The following SGCZ variants were observed in gnomAD, a reference collection of about 807,000 sequenced individuals.
The protein encoded by SGCZ is zeta-sarcoglycan.
In SGCZ, 40 loss-of-function variants were observed where a neutral mutation model predicts 41.3. The observed-to-expected ratio is 0.97, with a 90% CI of 0.75 to 1.26. SGCZ has a LOEUF of 1.26. SGCZ is among the 50% of genes most tolerant of loss of function. The probability of loss-of-function intolerance (pLI) is 0.00; values close to 1 mark genes in which losing one functional copy is unlikely to be tolerated. For missense variants in SGCZ, 552 were observed against 369.8 expected, an observed-to-expected ratio of 1.49 and a Z score of -4.04; for synonymous variants, 206 against 137.5, an observed-to-expected ratio of 1.50 and a Z score of -3.49.
At chr8:14,470,352 A>T (rs1256108527) in intron 2 of SGCZ, among the ~76,000 whole-genome samples, 2 of 152,160 alleles carry the variant, frequency 1.3e-5, no homozygotes, top group Admixed American at 6.6e-5. Context: ...GGCACATAGT[A>T]GCACTTAATA....
At chr8:14,687,671 T>A (rs1233559259) in intron 1 of SGCZ, among the ~76,000 whole-genome samples, 3 of 151,716 alleles carry the variant, frequency 2.0e-5, no homozygotes, top group Non-Finnish European at 4.4e-5. Flanking sequence ...GCATGTGTCT[T>A]TATAGCAGCA....
chr8:14,566,787 G>A (rs1252506329), intron 1 of SGCZ, among the ~76,000 whole-genome samples: 8 of 152,228 alleles, frequency 5.3e-5, no homozygotes, highest in Non-Finnish European at 7.3e-5. Context: ...GGCCAAGGCC[G>A]GAGCTGGCTC....
In SGCZ at chr8:14,187,699, C is replaced by A. The variant is rs1320681884; in HGVS notation, c.425-22997G>T. On this transcript the variant is annotated intron_variant, in intron 4 of 7. Transcript: ENST00000382080. ...AAAAGAATGAAAAAAATGACAACTG[C>A]AGGACACCATTAAGAATGTGAACGT... is the stretch of plus-strand genomic sequence containing the variant. Among the ~76,000 whole-genome samples the A allele has an allele frequency of 2.6e-5, 4 of 151,856 alleles. No individual in the cohort carries two copies. The East Asian group carries it at 5.8e-4, about 22-fold the overall frequency.
chr8:15,056,572 T>C (rs536576843), intron 1 of SGCZ, among the ~76,000 whole-genome samples: 2 of 152,082 alleles, frequency 1.3e-5, no homozygotes, highest in Admixed American at 6.5e-5. Flanking sequence ...GAAATGATAG[T>C]GTCTAAATGT....
At chr8:14,570,351 G>T (rs550228861) in intron 1 of SGCZ, among the ~76,000 whole-genome samples, 1 of 152,204 alleles carries the variant, frequency 6.6e-6, no homozygotes, top group East Asian at 1.9e-4. Flanking sequence ...AGAATATAAG[G>T]TGTGATAGTC....
At chr8:15,230,722 C>T (rs989893587) in intron 1 of SGCZ, among the ~76,000 whole-genome samples, 2 of 152,300 alleles carry the variant, frequency 1.3e-5, no homozygotes, top group African/African-American at 4.8e-5. Flanking sequence ...CCAGAGTCAA[C>T]TGCAGAGGCC....
At chr8:14,252,373 T>C (rs1487440202) in intron 3 of SGCZ, among the ~76,000 whole-genome samples, 1 of 152,164 alleles carries the variant, frequency 6.6e-6, no homozygotes, top group Non-Finnish European at 1.5e-5. Context: ...TATTCCATTG[T>C]TCATTTCTGA....
At chr8:15,193,390 C>A (rs1800604297) in intron 1 of SGCZ, among the ~76,000 whole-genome samples, 1 of 151,994 alleles carries the variant, frequency 6.6e-6, no homozygotes, top group Admixed American at 6.6e-5. Context: ...CAAATTTGGA[C>A]TATTTATTTT....
chr8:15,156,836 TC>T (rs1799344114), intron 1 of SGCZ, among the ~76,000 whole-genome samples: 1 of 150,614 alleles, frequency 6.6e-6, no homozygotes, highest in South Asian at 2.1e-4. Flanking sequence ...TCCCAGCTAC[TC>T]AGGAGGCTGA....
rs549560954 is a variant in SGCZ at position 14,253,756 on chromosome 8, G to T, written c.337-16077C>A. ...ATAGCTTATTCTTGCTTTACAGAAC[G>T]AGCTATCTATATTAAAACAGTAGAA... On this transcript the variant is annotated intron_variant, in intron 3 of 7. Transcript: ENST00000382080. Among the ~76,000 whole-genome samples, 67 of 152,094 alleles carry T rather than the reference G, an allele frequency of 4.4e-4. 2 individuals carry two copies. The highest frequency in any genetic ancestry group is 1.5e-3 in the African/African-American group (64 of 41,520).
chr8:14,425,572 G>C (rs1320987086), intron 2 of SGCZ, among the ~76,000 whole-genome samples: 2 of 151,764 alleles, frequency 1.3e-5, no homozygotes, highest in Non-Finnish European at 2.9e-5. Flanking sequence ...AGTGAGCCAA[G>C]ATCGCGCCAC....
intron 2 of SGCZ, among the ~76,000 whole-genome samples, chr8:14,391,172 G>A (rs963424264): frequency 1.3e-4 from 20 of 152,144 alleles, no homozygotes; most frequent in African/African-American, 4.6e-4. Context: ...TGTAATGCCA[G>A]GTTTGAGAAT....
chr8:14,660,755 G>C (rs1425332140), intron 1 of SGCZ, among the ~76,000 whole-genome samples: 1 of 151,906 alleles, frequency 6.6e-6, no homozygotes, highest in Non-Finnish European at 1.5e-5. Context: ...GGAAAGCTTG[G>C]CATTCTCAAA....
At chr8:14,358,031 G>A (rs73664320) in intron 2 of SGCZ, among the ~76,000 whole-genome samples, 46 of 152,164 alleles carry the variant, frequency 3.0e-4, no homozygotes, top group African/African-American at 9.2e-4. Flanking sequence ...ACAATGGCCC[G>A]TGTTTATGCA....
In SGCZ at chr8:14,227,273, C is replaced by T. The variant is rs772935533; in HGVS notation, c.424+10319G>A. Among the ~76,000 whole-genome samples, 50 of 151,980 alleles carry T rather than the reference C, an allele frequency of 3.3e-4. 1 individual carries two copies. Among genetic ancestry groups the T allele is most frequent in the Admixed American group, 3.2e-3 (49 of 15,258 alleles). ...AAGAATGCAAACAGTTTTCTTTATT[C>T]TAATTATGACATGAGAAAAGGTGAT... On this transcript the variant is annotated intron_variant, in intron 4 of 7. Coordinates refer to ENST00000382080, the MANE Select transcript of SGCZ (RefSeq NM_139167.4).
At chr8:15,031,275 G>T (rs1161778123) in intron 1 of SGCZ, among the ~76,000 whole-genome samples, 2 of 152,070 alleles carry the variant, frequency 1.3e-5, no homozygotes, top group Non-Finnish European at 2.9e-5. Flanking sequence ...CTTAGTTATG[G>T]GTTGAAGCAT....
intron 1 of SGCZ, among the ~76,000 whole-genome samples, chr8:15,066,853 G>C (rs1358310270): frequency 6.6e-6 from 1 of 152,122 alleles, no homozygotes; most frequent in Non-Finnish European, 1.5e-5. Flanking sequence ...ATTATAGTTG[G>C]AAAGCAAGAG....
intron 4 of SGCZ, among the ~76,000 whole-genome samples, chr8:14,169,138 T>G (rs2116995181): frequency 6.6e-6 from 1 of 152,268 alleles, no homozygotes; most frequent in African/African-American, 2.4e-5. Context: ...TTCCTAACTT[T>G]TATACCTCCT....
intron 2 of SGCZ, among the ~76,000 whole-genome samples, chr8:14,324,456 G>C (rs1056426921): frequency 6.6e-6 from 1 of 152,078 alleles, no homozygotes; most frequent in Non-Finnish European, 1.5e-5. Flanking sequence ...ACTAGGATTT[G>C]CCCACGAATA....
Sources: gnomAD v4.1 joint callset for allele counts (sites outside exome capture counted in the v4.1 genomes callset) on GRCh38, gnomAD v4.1.1 for gene constraint, MANE v1.5 for transcripts, NCBI Gene and HGNC (gene_info 2026-07-23, HGNC 2026-07-21) for gene names.